ERBIN: variants seen among roughly 807,000 people sequenced by gnomAD.
ERBIN encodes the protein erbb2 interacting protein.
In ERBIN, 60 loss-of-function variants were observed where a neutral mutation model predicts 158.4. The ratio of observed to expected loss-of-function variants is 0.38; its 90% CI spans 0.31 to 0.47. The LOEUF (loss-of-function observed/expected upper bound fraction) is 0.47. Among genes scored for constraint, ERBIN ranks in the 20% least tolerant of loss-of-function variants. The pLI is 0.99. For synonymous variants in ERBIN, 594 were observed against 557.2 expected (o/e 1.07, Z -0.93); for missense variants, 1,610 against 1,648.0 (o/e 0.98, Z 0.40).
intron 20 of ERBIN, among the ~76,000 whole-genome samples, chr5:66,051,918 T>TG (rs1453506962): frequency 4.1e-5 from 6 of 146,418 alleles, no homozygotes; most frequent in Non-Finnish European, 8.9e-5. Context: ...AGAGACAGAT[T>TG]GGGGTTGGCT....
rs397884229 is a variant in ERBIN at position 66,074,045 on chromosome 5, ATT to A, written c.3757-953_3757-952del. ...AGGTGTGCACCACCATGCCCAGCTA[ATT>A]TTTTTTTTTTTTTTTTTTTTTTTTT... On this transcript the variant is annotated intron_variant, in intron 22 of 25. Coordinates refer to ENST00000284037, the MANE Select transcript of ERBIN (RefSeq NM_001253697.2). Among the ~76,000 whole-genome samples, 305 of 91,922 alleles carry A rather than the reference ATT, an allele frequency of 3.3e-3. 1 individual carries two copies. The highest frequency in any genetic ancestry group is 0.012 in the African/African-American group (282 of 23,476). The allele number at this position is 91,922 out of a possible 152,430, so 60.3% of individuals were successfully genotyped here. A position where few individuals can be genotyped will look rare whatever the true frequency, so the allele number is the denominator to read the frequency against.
At chr5:66,034,585 C>A (rs1757205187) in intron 14 of ERBIN, among the ~76,000 whole-genome samples, 1 of 151,650 alleles carries the variant, frequency 6.6e-6, no homozygotes, top group Non-Finnish European at 1.5e-5. Flanking sequence ...CCAAGCACAA[C>A]CTCATAGCTG....
intron 2 of ERBIN, among the ~76,000 whole-genome samples, chr5:65,989,222 A>G (rs1751600820): frequency 6.6e-6 from 1 of 152,050 alleles, no homozygotes; most frequent in African/African-American, 2.4e-5. Context: ...TGTAAAGGAG[A>G]ATCAGTCTTT....
intron 1 of ERBIN, among the ~76,000 whole-genome samples, chr5:65,988,006 G>A (rs1177746291): frequency 1.3e-5 from 2 of 152,160 alleles, no homozygotes; most frequent in Admixed American, 6.5e-5. Context: ...CATTTTAATG[G>A]TAGGTGAAAG....
chr5:65,974,004 G>A (rs1192208008), intron 1 of ERBIN, among the ~76,000 whole-genome samples: 1 of 151,146 alleles, frequency 6.6e-6, no homozygotes. Flanking sequence ...GGAGGCTGAG[G>A]CTGGGGGATT....
chr5:65,939,946 T>C (rs922675420), intron 1 of ERBIN, among the ~76,000 whole-genome samples: 3 of 151,918 alleles, frequency 2.0e-5, no homozygotes, highest in African/African-American at 7.2e-5. Context: ...GTGCCAAGAT[T>C]GCAGCCTCTG....
At chr5:66,022,159 G>A (rs549227988) in intron 8 of ERBIN, among the ~76,000 whole-genome samples, 4 of 152,126 alleles carry the variant, frequency 2.6e-5, no homozygotes, top group East Asian at 1.9e-4. Flanking sequence ...TTTCAGCTGA[G>A]GTTTGAGGAG....
intron 7 of ERBIN, among the ~76,000 whole-genome samples, chr5:66,019,364 C>T (rs1385240456): frequency 6.6e-6 from 1 of 152,112 alleles, no homozygotes; most frequent in Admixed American, 6.6e-5. Context: ...TTAATGCTAC[C>T]TAAAGAATAC....
chr5:66,054,555 T>C lies in ERBIN; in HGVS notation c.3237T>C (p.Ser1079=), dbSNP rs1298836513. 6.2e-7 allele frequency: 1 copy of C among 1,614,042 alleles called. No homozygotes were observed. Among genetic ancestry groups the C allele is most frequent in the African/African-American group, 1.3e-5 (1 of 74,920 alleles). ...VTRSTIQRQS[S]VSSTASVNLG... is the part of the protein sequence containing the mutation. ...GAAGTACAATCCAGCGACAAAGTAG[T>C]GTGTCCTCCACAGCCTCTGTAAATC... Residue 1079 remains serine, a synonymous_variant, in exon 21 of 26, where the codon AGT becomes AGC. Coordinates refer to ENST00000284037, the MANE Select transcript of ERBIN (RefSeq NM_001253697.2).
intron 4 of ERBIN, among the ~76,000 whole-genome samples, chr5:66,011,206 T>C (rs1754160463): frequency 6.6e-6 from 1 of 152,312 alleles, no homozygotes; most frequent in African/African-American, 2.4e-5. Flanking sequence ...AATATAAATA[T>C]AGTTAGGAAA....
At chr5:66,023,490 C>G in intron 9 of ERBIN, 126 bp downstream of exon 9, 1 of 533,294 alleles carries the variant, frequency 1.9e-6, no homozygotes, top group South Asian at 3.8e-5. Flanking sequence ...TAAACAGAAG[C>G]AAATTACTTT....
At chr5:65,959,471 G>T (rs2150952625) in intron 1 of ERBIN, among the ~76,000 whole-genome samples, 1 of 152,176 alleles carries the variant, frequency 6.6e-6, no homozygotes, top group South Asian at 2.1e-4. Context: ...TCTAGCTTTG[G>T]TCATCTTACA....
chr5:66,036,866 G>GA (rs1257478347), intron 14 of ERBIN, among the ~76,000 whole-genome samples: 1 of 152,204 alleles, frequency 6.6e-6, no homozygotes, highest in Non-Finnish European at 1.5e-5. Flanking sequence ...TCAGGGAACT[G>GA]AGAGGCCAGA....
At chr5:66,025,152 A>G (rs1200914357) in intron 10 of ERBIN, among the ~76,000 whole-genome samples, 2 of 152,070 alleles carry the variant, frequency 1.3e-5, no homozygotes, top group African/African-American at 4.8e-5. Context: ...ACAAGTTTGT[A>G]TTGTCTGTCT....
At chr5:65,965,559 C>CATGCCTGGGTA (rs58300091) in intron 1 of ERBIN, among the ~76,000 whole-genome samples, 1 of 151,530 alleles carries the variant, frequency 6.6e-6, no homozygotes, top group South Asian at 2.1e-4. Flanking sequence ...CATGTGCTAC[C>CATGCCTGGGTA]ATTTTTGTAT....
At chr5:66,077,055 G>A in intron 25 of ERBIN, 106 bp downstream of exon 25, 1 of 807,384 alleles carries the variant, frequency 1.2e-6, no homozygotes, top group Non-Finnish European at 1.9e-6. Flanking sequence ...GGAGGCTGAG[G>A]CAGGAGAATG....
At chr5:65,966,934 A>G (rs1748705537) in intron 1 of ERBIN, among the ~76,000 whole-genome samples, 1 of 150,536 alleles carries the variant, frequency 6.6e-6, no homozygotes, top group Non-Finnish European at 1.5e-5. Context: ...TTAAAAAGTT[A>G]AAAAAAAATT....
chr5:66,032,467 G>C (rs1223786676), intron 14 of ERBIN, among the ~76,000 whole-genome samples: 1 of 152,142 alleles, frequency 6.6e-6, no homozygotes, highest in Non-Finnish European at 1.5e-5. Context: ...AGTTGTGTCT[G>C]TCTCAGGCAA....
intron 4 of ERBIN, among the ~76,000 whole-genome samples, chr5:66,007,766 C>T (rs1187635582): frequency 6.6e-6 from 1 of 152,168 alleles, no homozygotes; most frequent in Non-Finnish European, 1.5e-5. Context: ...AACACATTTG[C>T]TGAATAACTT....
Sources: gnomAD v4.1 joint callset for allele counts (sites outside exome capture counted in the v4.1 genomes callset) on GRCh38, gnomAD v4.1.1 for gene constraint, MANE v1.5 for transcripts, NCBI Gene and HGNC (gene_info 2026-07-23, HGNC 2026-07-21) for gene names.